The following REV1 variants were observed in gnomAD, a reference collection of about 807,000 sequenced individuals.
REV1 encodes REV1 DNA directed polymerase.
A neutral mutation model predicts 137.4 loss-of-function variants in REV1; 42 were observed. The observed-to-expected ratio is 0.31, with a 90% CI of 0.24 to 0.40. The LOEUF (loss-of-function observed/expected upper bound fraction) is 0.40, where lower values mean the gene tolerates loss of function less well. Ranked by LOEUF, REV1 falls within the 10% of genes least tolerant of loss-of-function variation. The pLI, the probability that REV1 is intolerant of heterozygous loss-of-function variation, is 1.00. For missense variants in REV1, 1,282 were observed against 1,490.1 expected (o/e 0.86, Z 2.30); for synonymous variants, 524 against 519.2 (o/e 1.01, Z -0.12).
intron 9 of REV1, among the ~76,000 whole-genome samples, chr2:99,427,557 G>C (rs1679546735): frequency 6.6e-6 from 1 of 152,110 alleles, no homozygotes; most frequent in African/African-American, 2.4e-5. Flanking sequence ...GCATCAAACT[G>C]AGCAGATCAT....
chr2:99,407,077 G>GTTTTTTTTTTTTTTTT (rs1293864331), intron 15 of REV1: 2 of 46,776 alleles, frequency 4.3e-5, no homozygotes, highest in Non-Finnish European at 8.3e-5. Flanking sequence ...ACCTACAAAG[G>GTTTTTTTTTTTTTTTT]TTCTTTTTTT....
At chr2:99,462,668 TCC>T in intron 2 of REV1, 46 bp from the exon 3 acceptor site, 1 of 1,560,414 alleles carries the variant, frequency 6.4e-7, no homozygotes, top group Non-Finnish European at 8.6e-7. Context: ...TTACATTTTC[TCC>T]CCCCTTTTTT....
intron 1 of REV1, among the ~76,000 whole-genome samples, chr2:99,469,717 A>G (rs1265626557): frequency 6.6e-6 from 1 of 152,128 alleles, no homozygotes; most frequent in African/African-American, 2.4e-5. Context: ...ATTTTTCCTA[A>G]TGTTTTATCT....
At chr2:99,422,728 G>C (rs1480482712) in intron 10 of REV1, among the ~76,000 whole-genome samples, 1 of 152,130 alleles carries the variant, frequency 6.6e-6, no homozygotes, top group Non-Finnish European at 1.5e-5. Context: ...ATAGAAACAT[G>C]CCACTGAAAC....
Position 99,480,672 on chromosome 2 carries a change from A to G in REV1, c.-11+9145T>C, listed in dbSNP as rs576458636. Among the ~76,000 whole-genome samples, 267 of 152,340 alleles carry G rather than the reference A, an allele frequency of 1.8e-3. 1 individual carries two copies. Among genetic ancestry groups the G allele is most frequent in the Non-Finnish European group, 2.2e-3 (149 of 68,026 alleles). ...AAAACAAATCCCTCAGAGCAACTGCAATTCAAAAATATAGTCAAACTCTTT... is the reference window on the plus strand; with the variant it reads ...AAAACAAATCCCTCAGAGCAACTGCGATTCAAAAATATAGTCAAACTCTTT... On this transcript the variant is annotated intron_variant, in intron 1 of 22. Coordinates refer to ENST00000258428, the MANE Select transcript of REV1 (RefSeq NM_016316.4).
chr2:99,440,721 T>C (rs978399733), intron 5 of REV1, among the ~76,000 whole-genome samples: 5 of 152,182 alleles, frequency 3.3e-5, no homozygotes, highest in Non-Finnish European at 5.9e-5. Context: ...CAAAGAAATG[T>C]ACAAAATGTA....
chr2:99,468,290 C>A (rs957738939), intron 1 of REV1, among the ~76,000 whole-genome samples: 1 of 152,100 alleles, frequency 6.6e-6, no homozygotes, highest in African/African-American at 2.4e-5. Flanking sequence ...GTAATAACAT[C>A]CAGGGAAAAG....
intron 22 of REV1, 38 bp from the exon 23 acceptor site, chr2:99,401,390 G>A (rs1675377406): frequency 7.2e-7 from 1 of 1,384,014 alleles, no homozygotes; most frequent in African/African-American, 1.4e-5. Context: ...TTAGGAATTA[G>A]GAAAGGTCCT....
At chr2:99,403,862 T>C in intron 18 of REV1, 47 bp from the exon 19 acceptor site, 1 of 1,600,716 alleles carries the variant, frequency 6.2e-7, no homozygotes, top group Non-Finnish European at 8.5e-7. Flanking sequence ...TAATTGTAGA[T>C]GGTAGCTGGT....
In REV1 at chr2:99,437,251, C is replaced by T. The variant is rs535891052; in HGVS notation, c.1214-1310G>A. Among the ~76,000 whole-genome samples, 8 of 152,098 alleles carry T rather than the reference C, an allele frequency of 5.3e-5. No individual in the cohort carries two copies. The South Asian group carries it at 1.0e-3, about 20-fold the overall frequency. On this transcript the variant is annotated intron_variant, in intron 6 of 22. Coordinates refer to ENST00000258428, the MANE Select transcript of REV1 (RefSeq NM_016316.4). The stretch of plus-strand genomic sequence containing the variant: ...TCCCGCCTCGGCCTCCGAAAGTGTG[C>T]GAATTACAGGCATGAGCCACTGTGC...
chr2:99,469,446 A>C (rs1356265832), intron 1 of REV1, among the ~76,000 whole-genome samples: 1 of 152,204 alleles, frequency 6.6e-6, no homozygotes, highest in Non-Finnish European at 1.5e-5. Flanking sequence ...TCAAGTAATC[A>C]AATTATAAAG....
rs11675410 is a variant in REV1, at chr2:99,412,278, A to C, written c.2172+453T>G. ...ATCTCAAAAAAAAAAAAAAAAAAAA[A>C]AAAACATATCCAAATCCATAATCTG... On this transcript the variant is annotated intron_variant, in intron 13 of 22. Coordinates refer to ENST00000258428, the MANE Select transcript of REV1 (RefSeq NM_016316.4). Among the ~76,000 whole-genome samples, 692 of 151,316 alleles carry C rather than the reference A, an allele frequency of 4.6e-3. 4 individuals carry two copies. The highest frequency in any genetic ancestry group is 0.021 in the South Asian group (98 of 4,770).
intron 11 of REV1, among the ~76,000 whole-genome samples, 196 bp from the exon 12 acceptor site, chr2:99,419,143 T>C (rs758045557): frequency 3.3e-5 from 5 of 152,036 alleles, no homozygotes; most frequent in African/African-American, 9.7e-5. Context: ...GGTTTCTCTT[T>C]GCTCTAACGC....
At chr2:99,443,906 G>A (rs906155499) in intron 4 of REV1, among the ~76,000 whole-genome samples, 5 of 151,670 alleles carry the variant, frequency 3.3e-5, no homozygotes, top group Admixed American at 1.3e-4. Context: ...GCAGTGGCGC[G>A]ATCTCGGCTT....
intron 5 of REV1, among the ~76,000 whole-genome samples, chr2:99,440,963 T>C (rs889570756): frequency 1.6e-4 from 25 of 152,184 alleles, no homozygotes; most frequent in Non-Finnish European, 2.5e-4. Flanking sequence ...GTACTGGAAA[T>C]ATCACGGGTA....
chr2:99,406,275 C>A, intron 16 of REV1, 50 bp downstream of exon 16: 2 of 1,529,900 alleles, frequency 1.3e-6, no homozygotes, highest in South Asian at 1.3e-5. Flanking sequence ...TGCCGTCTTT[C>A]CAAGGACATA....
At chr2:99,417,801 A>G (rs1441136923) in intron 12 of REV1, among the ~76,000 whole-genome samples, 1 of 152,232 alleles carries the variant, frequency 6.6e-6, no homozygotes, top group South Asian at 2.1e-4. Flanking sequence ...CAAATTTTAC[A>G]TGCAACTTTA....
intron 11 of REV1, among the ~76,000 whole-genome samples, chr2:99,419,163 T>C (rs2104565024): frequency 1.3e-5 from 2 of 151,790 alleles, no homozygotes; most frequent in Non-Finnish European, 2.9e-5. Flanking sequence ...CAAGTGCCAC[T>C]TCAGCATCTA....
chr2:99,455,017 A>G (rs1226698946), intron 3 of REV1, among the ~76,000 whole-genome samples: 1 of 152,226 alleles, frequency 6.6e-6, no homozygotes, highest in East Asian at 1.9e-4. Flanking sequence ...AGCTTATAGA[A>G]AGTTTTGCTC....
Sources: gnomAD v4.1 joint callset for allele counts (sites outside exome capture counted in the v4.1 genomes callset) on GRCh38, gnomAD v4.1.1 for gene constraint, MANE v1.5 for transcripts, NCBI Gene and HGNC (gene_info 2026-07-23, HGNC 2026-07-21) for gene names.